Variants in GLIPR1L1 observed in about 807,000 individuals in gnomAD.
GLIPR1L1 encodes GLIPR1 like 1.
GLIPR1L1 carries 26 observed loss-of-function variants against 29.9 expected under a neutral mutation model. The ratio of observed to expected loss-of-function variants is 0.87; its 90% confidence interval spans 0.64 to 1.21. GLIPR1L1 has a LOEUF of 1.21. Among genes scored for constraint, GLIPR1L1 ranks in the 50% most tolerant of loss-of-function variants. The pLI, the probability that GLIPR1L1 is intolerant of heterozygous loss-of-function variation, is 0.00. For missense variants in GLIPR1L1, 305 were observed against 290.3 expected, an observed-to-expected ratio of 1.05 and a Z score of -0.37; for synonymous variants, 77 against 97.5, an observed-to-expected ratio of 0.79 and a Z score of 1.24.
chr12:75,337,977 T>A (rs1407270696), intron 1 of GLIPR1L1, among the ~76,000 whole-genome samples: 1 of 152,118 alleles, frequency 6.6e-6, no homozygotes, highest in Non-Finnish European at 1.5e-5. Flanking sequence ...AATAGTCTTA[T>A]GCCATTACAT....
intron 3 of GLIPR1L1, among the ~76,000 whole-genome samples, chr12:75,354,046 G>T (rs570040916): frequency 1.3e-5 from 2 of 151,590 alleles, no homozygotes; most frequent in East Asian, 3.9e-4. Context: ...ATACTGAATG[G>T]GCAAAAGCTG....
At chr12:75,368,659 G>C (rs969252181) in intron 4 of GLIPR1L1, among the ~76,000 whole-genome samples, 23 of 151,930 alleles carry the variant, frequency 1.5e-4, no homozygotes, top group African/African-American at 5.1e-4. Flanking sequence ...TTTTCCTCCT[G>C]CATTTTTCCT....
chr12:75,352,713 C>T (rs2139458541), intron 3 of GLIPR1L1, among the ~76,000 whole-genome samples: 1 of 152,294 alleles, frequency 6.6e-6, no homozygotes, highest in South Asian at 2.1e-4. Flanking sequence ...CTTCTCAGTG[C>T]CACAAGGCAC....
intron 1 of GLIPR1L1, among the ~76,000 whole-genome samples, chr12:75,341,049 T>G (rs528195369): frequency 6.6e-6 from 1 of 152,154 alleles, no homozygotes; most frequent in South Asian, 2.1e-4. Flanking sequence ...AAAGAACACC[T>G]AAACATACAC....
intron 4 of GLIPR1L1, among the ~76,000 whole-genome samples, chr12:75,367,462 G>A (rs2044052469): frequency 6.6e-6 from 1 of 151,792 alleles, no homozygotes; most frequent in Non-Finnish European, 1.5e-5. Context: ...ACACACATTA[G>A]CCTAGGCCTA....
chr12:75,349,251 T>G (rs1034378840), intron 3 of GLIPR1L1, among the ~76,000 whole-genome samples: 1 of 152,202 alleles, frequency 6.6e-6, no homozygotes, highest in Non-Finnish European at 1.5e-5. Flanking sequence ...CAATTCATAA[T>G]GTAAAACCTG....
At chr12:75,352,356 G>C (rs1378002681) in intron 3 of GLIPR1L1, among the ~76,000 whole-genome samples, 1 of 152,184 alleles carries the variant, frequency 6.6e-6, no homozygotes, top group East Asian at 1.9e-4. Context: ...TGAAATCCTA[G>C]TTTCTGATAA....
Position 75,350,969 on chromosome 12 carries a change from G to C in GLIPR1L1, c.521+3247G>C, listed in dbSNP as rs561503209. Among the ~76,000 whole-genome samples the C allele has an allele frequency of 1.6e-4, 24 of 152,318 alleles. No homozygotes were observed. The South Asian group carries it at 5.0e-3, about 32-fold the overall frequency. ...ACCATGATAAAATATTACAGGAGCT[G>C]TTAACCAGAATAACCAGTTTAGAGA... On this transcript the variant is annotated intron_variant, in intron 3 of 5. Transcript: ENST00000378695.
chr12:75,345,533 T>C (rs546008014), intron 2 of GLIPR1L1, among the ~76,000 whole-genome samples: 1 of 152,288 alleles, frequency 6.6e-6, no homozygotes, highest in South Asian at 2.1e-4. Flanking sequence ...TAAAGCAACT[T>C]GTTCTTATCA....
chr12:75,349,459 T>C (rs767737872), intron 3 of GLIPR1L1, among the ~76,000 whole-genome samples: 2 of 152,046 alleles, frequency 1.3e-5, no homozygotes, highest in Non-Finnish European at 2.9e-5. Flanking sequence ...TAATGAAATA[T>C]TACCAGCCAT....
chr12:75,349,605 ATGT>A (rs1420134299), intron 3 of GLIPR1L1, among the ~76,000 whole-genome samples: 1 of 152,224 alleles, frequency 6.6e-6, no homozygotes, highest in Non-Finnish European at 1.5e-5. Flanking sequence ...ATATTTTTAA[ATGT>A]TAAGCAAAGA....
At chr12:75,346,875 T>A (rs1280475546) in intron 2 of GLIPR1L1, among the ~76,000 whole-genome samples, 1 of 152,154 alleles carries the variant, frequency 6.6e-6, no homozygotes, top group Non-Finnish European at 1.5e-5. Context: ...TTATTCTGTG[T>A]CTAAATTCCT....
At chr12:75,369,673 G>A (rs996965159) in intron 4 of GLIPR1L1, 6 of 984,906 alleles carry the variant, frequency 6.1e-6, no homozygotes, top group Non-Finnish European at 7.2e-6. Context: ...GAATGAAAGA[G>A]TGGGAAAAAT....
intron 3 of GLIPR1L1, among the ~76,000 whole-genome samples, chr12:75,358,472 C>G (rs1451085310): frequency 6.6e-6 from 1 of 151,192 alleles, no homozygotes; most frequent in Non-Finnish European, 1.5e-5. Context: ...ATATGATTAT[C>G]TCAATAGATT....
intron 5 of GLIPR1L1, 29 bp from the exon 6 acceptor site, chr12:75,370,056 T>G: frequency 7.1e-7 from 1 of 1,414,440 alleles, no homozygotes; most frequent in Non-Finnish European, 9.9e-7. Context: ...AACTCTTAAC[T>G]ATTCTGGTTT....
rs1220056391 is a variant in GLIPR1L1 at position 75,362,131 on chromosome 12, CAA to C, written c.522-969_522-968del. Among the ~76,000 whole-genome samples the C allele has an allele frequency of 3.9e-5, 6 of 152,126 alleles. No individual in the cohort carries two copies. The East Asian group carries it at 1.2e-3, about 29-fold the overall frequency. On this transcript the variant is annotated intron_variant, in intron 3 of 5. Coordinates refer to ENST00000378695, the MANE Select transcript of GLIPR1L1 (RefSeq NM_001304964.2). ...CAACAATAATAACAGCAACAATTAT[CAA>C]ATAAAGGATGTACCCTGGAATATAG...
chr12:75,359,840 T>C (rs1181176881), intron 3 of GLIPR1L1: 1 of 152,170 alleles, frequency 6.6e-6, no homozygotes, highest in Non-Finnish European at 1.5e-5. Context: ...GTTGATGTAT[T>C]TGTTCATTTT....
Position 75,343,809 on chromosome 12 carries a change from A to T in GLIPR1L1, c.291A>T (p.Gly97=), listed in dbSNP as rs2042272532. 6.2e-7 allele frequency: 1 copy of T among 1,613,396 alleles called. No homozygotes were observed. The highest frequency in any genetic ancestry group is 8.5e-7 in the Non-Finnish European group (1 of 1,179,600). The change falls in exon 2 of 6, where the codon GGA becomes GGT. Residue 97 remains glycine, a synonymous_variant. Transcript: ENST00000378695. ...YKCYAAFEYV[G]ENIWLGGIKS... ...GCTATGCAGCTTTTGAATATGTTGG[A>T]GAAAATATCTGGTTAGGTGGAATAA...
intron 3 of GLIPR1L1, among the ~76,000 whole-genome samples, chr12:75,355,541 T>C (rs2043099526): frequency 6.6e-6 from 1 of 152,108 alleles, no homozygotes; most frequent in Non-Finnish European, 1.5e-5. Flanking sequence ...CACTCCACAA[T>C]AGTCAAACCA....
Sources: gnomAD v4.1 joint callset for allele counts (sites outside exome capture counted in the v4.1 genomes callset) on GRCh38, gnomAD v4.1.1 for gene constraint, MANE v1.5 for transcripts, NCBI Gene and HGNC (gene_info 2026-07-23, HGNC 2026-07-21) for gene names.